Variants in CIMIP2B observed in about 807,000 individuals in gnomAD.
The protein encoded by CIMIP2B is ciliary microtubule inner protein 2B, also known as family with sequence similarity 166 member B.
the CIMIP2B span, chr9:35,563,659 C>T: frequency 9.4e-7 from 1 of 1,066,300 alleles, no homozygotes; most frequent in Non-Finnish European, 1.4e-6. Context: ...AGACCTCAGC[C>T]TCCCAAACCA....
At chr9:35,561,919 A>ACCTTTCCCCCCCCCCCCCCC in the CIMIP2B span, 1 of 109,272 alleles carries the variant, frequency 9.2e-6, no homozygotes, top group Non-Finnish European at 1.9e-5. Context: ...GTGTTCCCCC[A>ACCTTTCCCCCCCCCCCCCCC]CCCTCCCACC....
the CIMIP2B span, chr9:35,562,886 C>T: frequency 1.2e-6 from 2 of 1,613,926 alleles, no homozygotes; most frequent in African/African-American, 1.3e-5. Context: ...TGTTCCACCA[C>T]CTCCAGTGTC....
chr9:35,563,353 C>T, the CIMIP2B span: 2 of 1,613,768 alleles, frequency 1.2e-6, no homozygotes, highest in Non-Finnish European at 1.7e-6. Context: ...AGGTCTGGCC[C>T]ACGCTGAACC....
At chr9:35,563,202 C>G in the CIMIP2B span, 1 of 1,614,026 alleles carries the variant, frequency 6.2e-7, no homozygotes, top group Non-Finnish European at 8.5e-7. Context: ...CTGAGCCTTT[C>G]TTGCCCACGC....
the CIMIP2B span, chr9:35,562,638 C>T: frequency 2.5e-6 from 4 of 1,612,966 alleles, no homozygotes; most frequent in East Asian, 2.2e-5. Flanking sequence ...TCCTGACCCC[C>T]CAGCTCTCAC....
chr9:35,561,962 G>T, the CIMIP2B span: 1 of 613,688 alleles, frequency 1.6e-6, no homozygotes, highest in Non-Finnish European at 2.5e-6. Flanking sequence ...CCAAAAGGAT[G>T]GCTGGGATAG....
the CIMIP2B span, chr9:35,563,243 G>A: frequency 1.2e-6 from 2 of 1,613,820 alleles, no homozygotes; most frequent in East Asian, 4.5e-5. Flanking sequence ...GGGAACCTCA[G>A]GAGATCTTGG....
At chr9:35,562,897 G>C in the CIMIP2B span, 1 of 1,613,878 alleles carries the variant, frequency 6.2e-7, no homozygotes, top group Non-Finnish European at 8.5e-7. Context: ...CTCCAGTGTC[G>C]GCTCCTCCAG....
At chr9:35,562,995 A>G in the CIMIP2B span, 6 of 1,613,622 alleles carry the variant, frequency 3.7e-6, no homozygotes, top group East Asian at 2.2e-5. Flanking sequence ...CTTGCTTTTC[A>G]TGCAAGTGAG....
the CIMIP2B span, chr9:35,562,545 A>G: frequency 6.3e-7 from 1 of 1,584,654 alleles, no homozygotes; most frequent in Non-Finnish European, 8.6e-7. Context: ...CCGAAGAGGA[A>G]GCGGGCGCAG....
At chr9:35,561,872 TAAAA>T in the CIMIP2B span, 1 of 684,044 alleles carries the variant, frequency 1.5e-6, no homozygotes, top group Non-Finnish European at 2.6e-6. Flanking sequence ...TACCTATTAA[TAAAA>T]AAGGTGCTCA....
chr9:35,562,518 G>T, the CIMIP2B span: 1 of 1,575,476 alleles, frequency 6.3e-7, no homozygotes, highest in East Asian at 2.3e-5. Context: ...TGGTTGGTGA[G>T]CACAGGAAAG....
At chr9:35,561,964 C>CTGGGA in the CIMIP2B span, 10 of 549,740 alleles carry the variant, frequency 1.8e-5, no homozygotes, top group East Asian at 7.9e-4. Context: ...AAAAGGATGG[C>CTGGGA]TGGGATAGGA....
the CIMIP2B span, chr9:35,562,333 C>A: frequency 8.1e-5 from 33 of 408,322 alleles, no homozygotes; most frequent in Admixed American, 1.6e-4. Flanking sequence ...CATACCCATA[C>A]AAACAAACAT....
the CIMIP2B span, chr9:35,563,522 C>A: frequency 7.5e-6 from 6 of 795,626 alleles, no homozygotes; most frequent in Admixed American, 4.8e-5. Context: ...TTTCTAAGTT[C>A]TCTGCCTGGG....
the CIMIP2B span, chr9:35,563,648 G>A: frequency 1.1e-6 from 1 of 906,248 alleles, no homozygotes; most frequent in East Asian, 2.6e-5. Context: ...CACCACCATA[G>A]AGACCTCAGC....
the CIMIP2B span, among the ~76,000 whole-genome samples, chr9:35,563,572 G>C: frequency 1.5e-4 from 23 of 152,206 alleles, no homozygotes; most frequent in Non-Finnish European, 3.1e-4. Flanking sequence ...TTCCCATGGA[G>C]AGAACAACAC....
the CIMIP2B span, chr9:35,562,773 T>C: frequency 2.2e-5 from 35 of 1,609,624 alleles, no homozygotes; most frequent in Non-Finnish European, 2.8e-5. Context: ...GCACATCCCC[T>C]GAACCCACAG....
chr9:35,562,942 G>A, the CIMIP2B span: 3 of 1,613,830 alleles, frequency 1.9e-6, no homozygotes, highest in Admixed American at 1.7e-5. Context: ...GTCCTTCTCT[G>A]TGTCCTTTCT....
Sources: allele counts gnomAD v4.1 joint callset (sites outside exome capture counted in the v4.1 genomes callset), GRCh38; gene constraint gnomAD v4.1.1; transcripts MANE v1.5; gene names NCBI Gene and HGNC (gene_info 2026-07-23, HGNC 2026-07-21).